The following DPP6 variants were observed in gnomAD, a reference collection of about 807,000 sequenced individuals.
The protein encoded by DPP6 is A-type potassium channel modulatory protein DPP6.
A neutral mutation model predicts 122.6 loss-of-function variants in DPP6; 69 were observed. That is an observed-to-expected ratio of 0.56 (90% CI 0.46 to 0.69). The LOEUF is 0.69. Among genes scored for constraint, DPP6 ranks in the 30% least tolerant of loss-of-function variants. The pLI is 0.00. For synonymous variants in DPP6, 418 were observed against 433.1 expected (o/e 0.97, Z 0.43); for missense variants, 928 against 1,116.9 (o/e 0.83, Z 2.41).
chr7:154,097,414 C>A (rs567119376), intron 1 of DPP6, among the ~76,000 whole-genome samples: 5 of 152,376 alleles, frequency 3.3e-5, no homozygotes, highest in Non-Finnish European at 5.9e-5. Context: ...GAGGGCAGGA[C>A]CCGTCTGATT....
chr7:153,868,771 T>A, the DPP6 span, among the ~76,000 whole-genome samples: 1 of 152,218 alleles, frequency 6.6e-6, no homozygotes, highest in Non-Finnish European at 1.5e-5. Flanking sequence ...TCTTTCCTGC[T>A]TTCTCTTGTG....
chr7:154,839,840 C>G (rs1033664832), intron 16 of DPP6, among the ~76,000 whole-genome samples: 1 of 152,058 alleles, frequency 6.6e-6, no homozygotes, highest in Non-Finnish European at 1.5e-5. Flanking sequence ...TATTTCACGT[C>G]AAGAGTTTAA....
intron 7 of DPP6, among the ~76,000 whole-genome samples, chr7:154,711,945 C>CACACACACACACACACA (rs1554443050): frequency 3.3e-5 from 5 of 149,796 alleles, no homozygotes; most frequent in South Asian, 2.1e-4. Flanking sequence ...TTAATACACA[C>CACACACACACACACACA]ACACACACAC....
intron 1 of DPP6, among the ~76,000 whole-genome samples, chr7:153,994,154 T>C (rs1327985851): frequency 6.6e-6 from 1 of 151,176 alleles, no homozygotes; most frequent in Non-Finnish European, 1.5e-5. Context: ...TAACTCCCAA[T>C]TCATGTGTAT....
At position 154,101,236 on chromosome 7, in the gene DPP6, G is replaced by A. The variant is rs1338703928; in HGVS notation, c.243+48173G>A. Among the ~76,000 whole-genome samples the A allele has an allele frequency of 3.0e-5, 4 of 131,280 alleles. 1 individual carries two copies. In the Admixed American group the frequency reaches 3.2e-4, roughly 11 times the overall value. The allele number at this position is 131,280 out of a possible 152,430, so 86.1% of individuals were successfully genotyped here. A position where few individuals can be genotyped will look rare whatever the true frequency, so the allele number is the denominator to read the frequency against. Reference sequence around the variant, plus strand: ...TAATTCTACCACAACAAACAACGCAGTATTAAAATTGTCTGTGCAGCTTTC... The same window carrying A: ...TAATTCTACCACAACAAACAACGCAATATTAAAATTGTCTGTGCAGCTTTC... On this transcript the variant is annotated intron_variant, in intron 1 of 25. Coordinates refer to ENST00000377770, the MANE Select transcript of DPP6 (RefSeq NM_130797.4).
At chr7:154,666,183 G>GTA (rs377270855) in intron 6 of DPP6, among the ~76,000 whole-genome samples, 590 of 32,832 alleles carry the variant, frequency 0.018, 8 homozygotes, top group African/African-American at 0.049. Context: ...ATATATGTGT[G>GTA]TATATATATA....
At chr7:154,747,894 A>G (rs891653441) in intron 8 of DPP6, among the ~76,000 whole-genome samples, 10 of 152,216 alleles carry the variant, frequency 6.6e-5, no homozygotes, top group African/African-American at 2.4e-4. Flanking sequence ...TATTAGTAGT[A>G]ATAGTTGCTA....
At chr7:154,684,310 T>G (rs572226558) in intron 7 of DPP6, among the ~76,000 whole-genome samples, 2 of 152,110 alleles carry the variant, frequency 1.3e-5, no homozygotes, top group Non-Finnish European at 2.9e-5. Context: ...GTGACCTGTT[T>G]CCTTGTTATT....
chr7:153,756,016 C>T, the DPP6 span, among the ~76,000 whole-genome samples: 1 of 152,146 alleles, frequency 6.6e-6, no homozygotes, highest in Admixed American at 6.5e-5. Context: ...GGCTTCAGAA[C>T]CACCATCTAT....
the DPP6 span, among the ~76,000 whole-genome samples, chr7:153,771,316 G>A: frequency 5.3e-4 from 80 of 152,248 alleles, no homozygotes; most frequent in Non-Finnish European, 4.9e-4. Context: ...CATGCAAGAC[G>A]AAGACAATGA....
intron 5 of DPP6, chr7:154,587,759 A>G (rs1215693655): frequency 6.3e-7 from 1 of 1,592,150 alleles, no homozygotes; most frequent in Non-Finnish European, 8.5e-7. Flanking sequence ...TGTTTTCTTC[A>G]TTACATCACC....
Position 153,913,595 on chromosome 7 carries a change from A to G in DPP6, c.51+25861A>G, listed in dbSNP as rs1192084889. The stretch of plus-strand genomic sequence containing the variant: ...CTGTCTTACCTTTTTTCCCCTGATA[A>G]ATATTCAGTATTTGAGGAAATCATC... On this transcript the variant is annotated intron_variant, in intron 1 of 25. Coordinates refer to the DPP6 transcript ENST00000404039. Among the ~76,000 whole-genome samples the G allele has an allele frequency of 2.0e-5, 3 of 151,378 alleles. No individual in the cohort carries two copies. The East Asian group carries it at 5.8e-4, about 29-fold the overall frequency.
chr7:153,832,586 G>T, the DPP6 span, among the ~76,000 whole-genome samples: 6 of 152,360 alleles, frequency 3.9e-5, no homozygotes, highest in South Asian at 4.1e-4. Context: ...CAAGGACTTA[G>T]ATACATCATT....
In DPP6 at chr7:154,860,337, C is replaced by T. The variant is rs137927435; in HGVS notation, c.1714+6510C>T. ...GCCCACATGTCACTGTCACGCTACACGCCAAGGAGTTTGCCCGCCATCCTG... is the reference window on the plus strand; with the variant it reads ...GCCCACATGTCACTGTCACGCTACATGCCAAGGAGTTTGCCCGCCATCCTG... On this transcript the variant is annotated intron_variant, in intron 17 of 25. Coordinates refer to ENST00000377770, the MANE Select transcript of DPP6 (RefSeq NM_130797.4). Among the ~76,000 whole-genome samples, 83 of 152,332 alleles carry T rather than the reference C, an allele frequency of 5.4e-4. No homozygotes were observed. In the South Asian group the frequency reaches 6.4e-3, roughly 12 times the overall value.
intron 1 of DPP6, chr7:154,057,857 T>A (rs1327078578): frequency 1.3e-5 from 2 of 150,836 alleles, no homozygotes; most frequent in Non-Finnish European, 2.9e-5. Context: ...TAACCCAAAC[T>A]GTGGGGCCCT....
rs1326417446 is a variant in DPP6 at position 153,924,146 on chromosome 7, T to G, written c.51+36412T>G. ...TTTTTTTTTTTTTCGAGACGGAGTC[T>G]TGCTCTGTCACCAGGCTGGAGTGCA... On this transcript the variant is annotated intron_variant, in intron 1 of 25. Coordinates refer to the DPP6 transcript ENST00000404039. 3.3e-5 allele frequency among the ~76,000 whole-genome samples: 5 copies of G among 152,106 alleles called. No individual in the cohort carries two copies. The East Asian group carries it at 9.7e-4, about 30-fold the overall frequency.
intron 1 of DPP6, among the ~76,000 whole-genome samples, chr7:154,164,508 T>A (rs1387435782): frequency 6.6e-6 from 1 of 152,126 alleles, no homozygotes; most frequent in Admixed American, 6.5e-5. Flanking sequence ...TTTTAAAGGG[T>A]ATGATTAGAT....
intron 3 of DPP6, among the ~76,000 whole-genome samples, chr7:154,539,542 T>A (rs1274217998): frequency 6.6e-6 from 1 of 151,758 alleles, no homozygotes; most frequent in Non-Finnish European, 1.5e-5. Context: ...AATGATGAGT[T>A]AATGGGTGCA....
intron 1 of DPP6, among the ~76,000 whole-genome samples, chr7:154,351,283 C>T (rs1444529757): frequency 6.6e-6 from 1 of 152,148 alleles, no homozygotes; most frequent in Non-Finnish European, 1.5e-5. Flanking sequence ...AGCTAAGAGT[C>T]TGCAGTAGAG....
Sources: allele counts gnomAD v4.1 joint callset (sites outside exome capture counted in the v4.1 genomes callset), GRCh38; gene constraint gnomAD v4.1.1; transcripts MANE v1.5; gene names NCBI Gene and HGNC (gene_info 2026-07-23, HGNC 2026-07-21).